The following PRRC2A variants were observed in gnomAD, a reference collection of about 807,000 sequenced individuals.
PRRC2A encodes proline rich coiled-coil 2A.
A neutral mutation model predicts 224.6 loss-of-function variants in PRRC2A; 59 were observed. The observed-to-expected ratio is 0.26, with a 90% CI of 0.21 to 0.33. The LOEUF (loss-of-function observed/expected upper bound fraction) is 0.33. PRRC2A is among the 10% of genes least tolerant of loss of function. PRRC2A has a pLI of 1.00. For missense variants in PRRC2A, 3,095 were observed against 2,880.7 expected, an observed-to-expected ratio of 1.07 and a Z score of -1.70; for synonymous variants, 1,194 against 1,109.5, an observed-to-expected ratio of 1.08 and a Z score of -1.51.
chr6:31,625,513 C>T lies in PRRC2A; in HGVS notation c.661C>T (p.Pro221Ser), dbSNP rs778124334. The change falls in exon 7 of 31, where the codon CCG (proline) becomes TCG (serine). Residue 221 changes from proline to serine, a missense_variant. Pro to Ser is a moderately conservative substitution (Grantham distance 74). Around this residue, in one of 8 missense-constraint regions of PRRC2A, gnomAD observed 287 missense variants for 275.3 expected, o/e 1.04. Coordinates refer to ENST00000376033, the MANE Select transcript of PRRC2A (RefSeq NM_004638.4). The surrounding 1 kb of genome is among the most constrained non-coding windows in gnomAD (Gnocchi z 4.1). ...GGRGPDELEG[P>S]DSKLHHGHDP... The stretch of plus-strand genomic sequence containing the variant: ...GCGTGGCCCTGATGAGCTGGAGGGC[C>T]CGGACTCCAAACTTCATCATGGTCA... The T allele has an allele frequency of 9.5e-6, 15 of 1,582,670 alleles. No homozygotes were observed. The African/African-American group carries it at 2.0e-4, about 21-fold the overall frequency.
intron 9 of PRRC2A, 66 bp from the exon 10 acceptor site, chr6:31,626,706 T>TC: frequency 7.1e-7 from 1 of 1,409,994 alleles, no homozygotes; most frequent in African/African-American, 1.4e-5. Flanking sequence ...GTTACATAGT[T>TC]CCAGACTACC....
chr6:31,623,112 C>T, intron 2 of PRRC2A: 1 of 761,632 alleles, frequency 1.3e-6, no homozygotes, highest in Non-Finnish European at 2.4e-6. Context: ...GGTTCCCTGT[C>T]TTTGGACACG....
At chr6:31,622,404 G>A (rs1287006141) in intron 1 of PRRC2A, among the ~76,000 whole-genome samples, 1 of 152,224 alleles carries the variant, frequency 6.6e-6, no homozygotes, top group Admixed American at 6.5e-5. Flanking sequence ...GGTGGAGAGA[G>A]AAGAGATTAT....
Position 31,635,145 on chromosome 6 carries a change from A to T in PRRC2A, c.5174A>T (p.Glu1725Val). The change falls in exon 22 of 31, where the codon GAG becomes GTG. Residue 1725 changes from glutamate to valine, a missense_variant. Around this residue, in one of 8 missense-constraint regions of PRRC2A, gnomAD observed 662 missense variants for 609.5 expected, o/e 1.09. Coordinates refer to ENST00000376033, the MANE Select transcript of PRRC2A (RefSeq NM_004638.4). Reference protein sequence around the residue: ...HDGDRKELPREQPLPPGPIGT... With the variant: ...HDGDRKELPRVQPLPPGPIGT... ...TGCCCAATCCAGGAGCTGCCCCGGGAGCAGCCTCTGCCCCCTGGCCCCATT... is the reference window on the plus strand; with the variant it reads ...TGCCCAATCCAGGAGCTGCCCCGGGTGCAGCCTCTGCCCCCTGGCCCCATT... The T allele has an allele frequency of 1.9e-6, 3 of 1,613,944 alleles. No homozygotes were observed. Among genetic ancestry groups the T allele is most frequent in the Non-Finnish European group, 2.5e-6 (3 of 1,179,960 alleles).
At chr6:31,621,777 C>T (rs977178741) in intron 1 of PRRC2A, among the ~76,000 whole-genome samples, 3 of 152,304 alleles carry the variant, frequency 2.0e-5, no homozygotes, top group Middle Eastern at 3.4e-3. Flanking sequence ...CGTCCATAAA[C>T]GAATGCCTGG....
chr6:31,637,398 G>A (rs748725427), intron 30 of PRRC2A, 48 bp from the exon 31 acceptor site: 31 of 1,602,946 alleles, frequency 1.9e-5, no homozygotes, highest in South Asian at 1.7e-4. Context: ...CCGTCTCATC[G>A]CTGACCTCTC....
chr6:31,625,864 G>A lies in PRRC2A; in HGVS notation c.832G>A (p.Gly278Arg). 6.3e-7 allele frequency: 1 copy of A among 1,586,724 alleles called. No homozygotes were observed. The highest frequency in any genetic ancestry group is 1.1e-5 in the South Asian group (1 of 90,510). The change falls in exon 8 of 31, where the codon GGG becomes AGG. Residue 278 changes from glycine (G) to arginine (R), a missense_variant. This residue lies in a region of PRRC2A where 287 missense variants were observed against 275.3 expected (regional missense o/e 1.04). Transcript: ENST00000376033. The surrounding 1 kb of genome is among the most constrained non-coding windows in gnomAD (Gnocchi z 4.1). ...GCCTTACCGATACCCCACTCCTGAT[G>A]GGCCCAGGTGAGCAATCCAGGTCTG... ...QGPYRYPTPD[G>R]PSRFPRVAGP...
At position 31,631,763 on chromosome 6, in the gene PRRC2A, G is replaced by C. The variant is rs777997120; in HGVS notation, c.3090G>C (p.Glu1030Asp). The C allele has an allele frequency of 8.5e-5, 131 of 1,545,188 alleles. No individual in the cohort carries two copies. Among genetic ancestry groups the C allele is most frequent in the Non-Finnish European group, 8.5e-5 (97 of 1,144,598 alleles). The change falls in exon 16 of 31, where the codon GAG (glutamate) becomes GAC (aspartate). Residue 1030 changes from glutamate (E) to aspartate (D), a missense_variant. Glu to Asp is a conservative substitution (Grantham distance 45). Transcript: ENST00000376033. This position sits in a 1 kb window ranked among gnomAD's most constrained non-coding sequence, Gnocchi z 4.5. ...PTSCRGRGRG[E>D]YFARGRGFRG... ...CTTGCCGGGGTCGGGGCCGAGGCGAGTATTTTGCCAGAGGGAGGGGTTTTC... is the reference window on the plus strand; with the variant it reads ...CTTGCCGGGGTCGGGGCCGAGGCGACTATTTTGCCAGAGGGAGGGGTTTTC...
rs1348926288 is a variant in PRRC2A at position 31,627,442 on chromosome 6, G to A, written c.1290+244G>A. Among the ~76,000 whole-genome samples the A allele has an allele frequency of 2.6e-5, 4 of 152,144 alleles. No homozygotes were observed. The highest frequency in any genetic ancestry group is 6.5e-5 in the Admixed American group (1 of 15,270). ...AAGGAGCCCTGGGTGTTTGGGTTTC[G>A]GAAGGAGAGAGGGAACAGAAAAATA... is the stretch of plus-strand genomic sequence containing the variant. On this transcript the variant is annotated intron_variant, in intron 11 of 30. Transcript: ENST00000376033. This position sits in a 1 kb window ranked among gnomAD's most constrained non-coding sequence, Gnocchi z 5.6.
rs778299706 is a variant in PRRC2A, at chr6:31,632,974, C to T, written c.4301C>T (p.Pro1434Leu). 7 of 1,584,606 alleles carry T rather than the reference C, an allele frequency of 4.4e-6. No homozygotes were observed. Among genetic ancestry groups the T allele is most frequent in the African/African-American group, 1.4e-5 (1 of 73,632 alleles). Residue 1434 changes from proline to leucine, a missense_variant, in exon 16 of 31, where the codon CCC becomes CTC. Around this residue, in one of 8 missense-constraint regions of PRRC2A, gnomAD observed 2,001 missense variants for 1,764.9 expected, o/e 1.13. Transcript: ENST00000376033. ...GPGRGDKRSW[P>L]SPKNRSRPPE... ...GGACGAGGCGACAAGAGGAGCTGGC[C>T]CTCTCCCAAGAACCGAAGGTGGGTA...
At position 31,629,080 on chromosome 6, in the gene PRRC2A, C is replaced by T. The variant is rs925966608; in HGVS notation, c.1766-64C>T. On this transcript the variant is annotated intron_variant, in intron 12 of 30. Coordinates refer to ENST00000376033, the MANE Select transcript of PRRC2A (RefSeq NM_004638.4). Reference sequence around the variant, plus strand: ...GAGCTAGAGATGAGACGTGAGATTCCTGGGGTGTTCATGGAGTGTCTATTG... The same window carrying T: ...GAGCTAGAGATGAGACGTGAGATTCTTGGGGTGTTCATGGAGTGTCTATTG... 10 of 1,514,452 alleles carry T rather than the reference C, an allele frequency of 6.6e-6. No homozygotes were observed. In the African/African-American group the frequency reaches 1.4e-4, roughly 21 times the overall value. The allele number at this position is 1,514,452 out of a possible 1,614,324, so 93.8% of individuals were successfully genotyped here. A position where few individuals can be genotyped will look rare whatever the true frequency, so the allele number is the denominator to read the frequency against.
In PRRC2A at chr6:31,632,294, G is replaced by C. The variant is rs1237838654; in HGVS notation, c.3621G>C (p.Glu1207Asp). 6.2e-7 allele frequency: 1 copy of C among 1,613,146 alleles called. No homozygotes were observed. The highest frequency in any genetic ancestry group is 1.3e-5 in the African/African-American group (1 of 74,932). ...CAGGCCCTTTGCCACCAAGTAAGGA[G>C]CCTTTGAAAGAGAAGTTGATCCCAG... Reference protein sequence around the residue: ...PPTGPLPPSKEPLKEKLIPGP... With the variant: ...PPTGPLPPSKDPLKEKLIPGP... The change falls in exon 16 of 31, where the codon GAG becomes GAC. Residue 1207 changes from glutamate to aspartate, a missense_variant. Glu to Asp is a conservative substitution (Grantham distance 45, BLOSUM62 2). Transcript: ENST00000376033.
Position 31,625,120 on chromosome 6 carries a change from T to G in PRRC2A, c.464-51T>G. 1 of 1,577,962 alleles carries G rather than the reference T, an allele frequency of 6.3e-7. No homozygotes were observed. Among genetic ancestry groups the G allele is most frequent in the Non-Finnish European group, 8.6e-7 (1 of 1,156,246 alleles). ...GCCAGAGTCTTCCACTTTTATAGCA[T>G]GTCCTCAGGAAATGTCTTCTGTCTC... On this transcript the variant is annotated intron_variant, in intron 5 of 30. Transcript: ENST00000376033. This position sits in a 1 kb window ranked among gnomAD's most constrained non-coding sequence, Gnocchi z 4.1.
In PRRC2A at chr6:31,636,697, T is replaced by C; in HGVS notation, c.5935-36T>C. The C allele has an allele frequency of 6.2e-7, 1 of 1,601,214 alleles. No individual in the cohort carries two copies. The highest frequency in any genetic ancestry group is 8.5e-7 in the Non-Finnish European group (1 of 1,172,450). The stretch of plus-strand genomic sequence containing the variant: ...TCCCTGGTTTTCTGACATTCCTCCC[T>C]GCCCCCAACATGCACACCCAAATTT... On this transcript the variant is annotated intron_variant, in intron 27 of 30. Transcript: ENST00000376033. This position sits in a 1 kb window ranked among gnomAD's most constrained non-coding sequence, Gnocchi z 4.3.
Position 31,625,448 on chromosome 6 carries a change from T to C in PRRC2A, c.608-12T>C. On this transcript the variant is annotated splice_polypyrimidine_tract_variant and intron_variant, in intron 6 of 30. Transcript: ENST00000376033. This position sits in a 1 kb window ranked among gnomAD's most constrained non-coding sequence, Gnocchi z 4.1. ...ATCATTGATACCTCTCTCTACCTTT[T>C]CCAAAATACAGATTCTACAACTTGG... 1 of 1,602,746 alleles carries C rather than the reference T, an allele frequency of 6.2e-7. No homozygotes were observed. The highest frequency in any genetic ancestry group is 8.5e-7 in the Non-Finnish European group (1 of 1,170,926).
Position 31,636,623 on chromosome 6 carries a change from C to G in PRRC2A, c.5934+15C>G. 6.3e-7 allele frequency: 1 copy of G among 1,590,246 alleles called. No homozygotes were observed. The highest frequency in any genetic ancestry group is 8.6e-7 in the Non-Finnish European group (1 of 1,165,288). On this transcript the variant is annotated intron_variant, in intron 27 of 30. Transcript: ENST00000376033. The surrounding 1 kb of genome is among the most constrained non-coding windows in gnomAD (Gnocchi z 4.3). ...CTGCCCAGCAGGTATATTGTATCTT[C>G]ACACTTCCCCTTCATTTGATTTCTC...
At chr6:31,634,058 T>G (rs1227212715) in intron 18 of PRRC2A, 69 bp downstream of exon 18, 46 of 1,582,384 alleles carry the variant, frequency 2.9e-5, no homozygotes, top group Non-Finnish European at 3.8e-5. Context: ...GGTTATGTTT[T>G]CTCTGTTTTC....
Position 31,634,461 on chromosome 6 carries a change from C to T in PRRC2A, c.4850-11C>T, listed in dbSNP as rs770012794. ...CCTCACTTCTCTTCTGGTTGGTGCTCCCTTCTCCAGCCACTAGCCGAAAGA... is the reference window on the plus strand; with the variant it reads ...CCTCACTTCTCTTCTGGTTGGTGCTTCCTTCTCCAGCCACTAGCCGAAAGA... On this transcript the variant is annotated splice_polypyrimidine_tract_variant and intron_variant, in intron 19 of 30. Transcript: ENST00000376033. 4.3e-6 allele frequency: 7 copies of T among 1,612,802 alleles called. No homozygotes were observed. Among genetic ancestry groups the T allele is most frequent in the Non-Finnish European group, 5.1e-6 (6 of 1,179,894 alleles).
At position 31,627,675 on chromosome 6, in the gene PRRC2A, C is replaced by G. The variant is rs943973749; in HGVS notation, c.1291-90C>G. 27 of 1,489,192 alleles carry G rather than the reference C, an allele frequency of 1.8e-5. No homozygotes were observed. In the African/African-American group the frequency reaches 3.4e-4, roughly 19 times the overall value. The allele number at this position is 1,489,192 out of a possible 1,614,324, so 92.2% of individuals were successfully genotyped here. A position where few individuals can be genotyped will look rare whatever the true frequency, so the allele number is the denominator to read the frequency against. On this transcript the variant is annotated intron_variant, in intron 11 of 30. Transcript: ENST00000376033. The surrounding 1 kb of genome is among the most constrained non-coding windows in gnomAD (Gnocchi z 5.6). ...CCAAAGCCTGGGTCGTTGCATCCTG[C>G]AAGTAGCGACAGTTGATTTGTTGTA...
Sources: allele counts gnomAD v4.1 joint callset (sites outside exome capture counted in the v4.1 genomes callset), GRCh38; gene constraint gnomAD v4.1.1; regional missense constraint gnomAD v4.1.1; non-coding constraint Gnocchi (gnomAD v3.1); transcripts MANE v1.5; gene names NCBI Gene and HGNC (gene_info 2026-07-23, HGNC 2026-07-21).